The following GOLGA3 variants were observed in gnomAD, a reference collection of about 807,000 sequenced individuals.
GOLGA3 encodes the protein golgin A3, also known as golgin subfamily A member 3.
GOLGA3 carries 75 observed loss-of-function variants against 169.4 expected under a neutral mutation model. The ratio of observed to expected loss-of-function variants is 0.44; its 90% CI spans 0.37 to 0.54. The LOEUF is 0.54. GOLGA3 is among the 20% of genes least tolerant of loss of function. The pLI, the probability that GOLGA3 is intolerant of heterozygous loss-of-function variation, is 0.00. For missense variants in GOLGA3, 1,899 were observed against 1,930.0 expected, an observed-to-expected ratio of 0.98 and a Z score of 0.30; for synonymous variants, 824 against 822.4, an observed-to-expected ratio of 1.00 and a Z score of -0.03.
chr12:132,776,847 T>A, intron 20 of GOLGA3, 91 bp from the exon 21 acceptor site: 1 of 1,557,850 alleles, frequency 6.4e-7, no homozygotes. Flanking sequence ...GTTTATCTTT[T>A]AATACCATAT....
In GOLGA3 at chr12:132,808,463, A is replaced by G; in HGVS notation, c.606T>C (p.Ser202=). 6.2e-7 allele frequency: 1 copy of G among 1,613,768 alleles called. No individual in the cohort carries two copies. Residue 202 remains serine, a synonymous_variant, in exon 5 of 24, where the codon AGT becomes AGC. Coordinates refer to ENST00000450791, the MANE Select transcript of GOLGA3 (RefSeq NM_001389683.1). ...MLNPENLPRA[S]TLAMTKEYSF... ...AATATTCTTTTGTCATAGCCAGGGT[A>G]CTGGCCCTTGGTAAGTTTTCTGGGT... is the stretch of plus-strand genomic sequence containing the variant.
intron 6 of GOLGA3, 46 bp from the exon 7 acceptor site, chr12:132,805,068 C>T: frequency 1.3e-6 from 2 of 1,571,684 alleles, no homozygotes; most frequent in African/African-American, 2.7e-5. Flanking sequence ...AAACGAGTCA[C>T]TTCCATCCAG....
intron 23 of GOLGA3, 145 bp from the exon 24 acceptor site, chr12:132,773,439 AG>A: frequency 4.6e-6 from 2 of 433,186 alleles, no homozygotes; most frequent in South Asian, 5.5e-5. Flanking sequence ...ACAGAAGCTC[AG>A]CTGTTCTCAG....
At chr12:132,792,930 C>T (rs1342969113) in intron 11 of GOLGA3, among the ~76,000 whole-genome samples, 3 of 138,626 alleles carry the variant, frequency 2.2e-5, no homozygotes, top group Admixed American at 1.4e-4. Context: ...ACCCACCCCA[C>T]GGGACCTGCA....
At position 132,814,113 on chromosome 12, in the gene GOLGA3, C is replaced by T. The variant is rs545482097; in HGVS notation, c.407-694G>A. Among the ~76,000 whole-genome samples, 736 of 150,254 alleles carry T rather than the reference C, an allele frequency of 4.9e-3. 2 individuals are homozygous for T. The highest frequency in any genetic ancestry group is 0.01 in the Middle Eastern group (3 of 286). On this transcript the variant is annotated intron_variant, in intron 3 of 23. Transcript: ENST00000450791. ...GATCTCGGCTCACCACAACCTCTGC[C>T]TCCTGGGTTCAAGCGATTCTCCTGC...
rs980368432 is a variant in GOLGA3 at position 132,822,236 on chromosome 12, C to G, written c.-108G>C. ...CCAAGAGCTCCTGGGAGGGGCCCTA[C>G]TGTGTCTCCCATTTTCAGGAGAAGA... On this transcript the variant is annotated 5_prime_UTR_variant, in exon 2 of 24. Coordinates refer to ENST00000450791, the MANE Select transcript of GOLGA3 (RefSeq NM_001389683.1). The G allele has an allele frequency of 7.0e-7, 1 of 1,437,356 alleles. No homozygotes were observed. The allele number at this position is 1,437,356 out of a possible 1,614,324, so 89.0% of individuals were successfully genotyped here. A position where few individuals can be genotyped will look rare whatever the true frequency, so the allele number is the denominator to read the frequency against.
At chr12:132,823,452 G>A (rs897468527) in intron 1 of GOLGA3, among the ~76,000 whole-genome samples, 1 of 152,062 alleles carries the variant, frequency 6.6e-6, no homozygotes, top group African/African-American at 2.4e-5. Flanking sequence ...CACAACCTTC[G>A]CCTCTAGCTT....
intron 6 of GOLGA3, among the ~76,000 whole-genome samples, chr12:132,806,491 C>T (rs769728786): frequency 1.3e-5 from 2 of 152,204 alleles, no homozygotes; most frequent in African/African-American, 4.8e-5. Flanking sequence ...AAACCATCTT[C>T]GACATGAGGC....
chr12:132,801,593 G>A (rs901484824), intron 8 of GOLGA3, among the ~76,000 whole-genome samples, 174 bp downstream of exon 8: 25 of 152,270 alleles, frequency 1.6e-4, no homozygotes, highest in African/African-American at 4.8e-4. Flanking sequence ...GGGGGCCCAC[G>A]GGACACGTCC....
intron 2 of GOLGA3, among the ~76,000 whole-genome samples, chr12:132,817,378 C>T (rs866771971): frequency 3.6e-4 from 1 of 2,810 alleles, no homozygotes; most frequent in African/African-American, 5.2e-4. Flanking sequence ...TAAGGTGAAC[C>T]CGCCCTCCAC....
chr12:132,809,872 G>T (rs1156597761), intron 4 of GOLGA3, among the ~76,000 whole-genome samples: 3 of 152,162 alleles, frequency 2.0e-5, no homozygotes, highest in African/African-American at 7.2e-5. Context: ...TGCCTGAGTG[G>T]CTTGCCACCC....
chr12:132,770,875 T>C lies in GOLGA3; in HGVS notation c.*2230A>G, dbSNP rs1201765826. ...GTCTGGACCTCTTGACCTCAGGTGATCCACCCGCCTCGGCCTCCCAAAGTG... is the reference window on the plus strand; with the variant it reads ...GTCTGGACCTCTTGACCTCAGGTGACCCACCCGCCTCGGCCTCCCAAAGTG... On this transcript the variant is annotated 3_prime_UTR_variant, in exon 24 of 24. Coordinates refer to ENST00000450791, the MANE Select transcript of GOLGA3 (RefSeq NM_001389683.1). 1 of 152,238 alleles carries C rather than the reference T, an allele frequency of 6.6e-6. No individual in the cohort carries two copies. Among genetic ancestry groups the C allele is most frequent in the Non-Finnish European group, 1.5e-5 (1 of 68,048 alleles). The allele number at this position is 152,238 out of a possible 1,614,324, so 9.4% of individuals were successfully genotyped here.
rs1223092261 is a variant in GOLGA3 at position 132,808,487 on chromosome 12, G to T, written c.582C>A (p.Asn194Lys). 6.2e-7 allele frequency: 1 copy of T among 1,613,832 alleles called. No homozygotes were observed. Among genetic ancestry groups the T allele is most frequent in the Non-Finnish European group, 8.5e-7 (1 of 1,179,836 alleles). ...FSTLDPELML[N>K]PENLPRASTL... ...TACTGGCCCTTGGTAAGTTTTCTGG[G>T]TTTAACATGAGCTCAGGATCAAGCG... is the stretch of plus-strand genomic sequence containing the variant. The change falls in exon 5 of 24, where the codon AAC (asparagine) becomes AAA (lysine). Residue 194 changes from asparagine to lysine, a missense_variant. Transcript: ENST00000450791.
chr12:132,783,826 T>A (rs1435848572), intron 16 of GOLGA3: 3 of 1,160,346 alleles, frequency 2.6e-6, no homozygotes, highest in Admixed American at 6.5e-5. Flanking sequence ...TCCGCCCACC[T>A]CAGCCTCCCA....
intron 21 of GOLGA3, among the ~76,000 whole-genome samples, chr12:132,776,296 G>C (rs56182306): frequency 1.5e-5 from 2 of 132,734 alleles, no homozygotes; most frequent in Non-Finnish European, 3.2e-5. Context: ...TCCCGCCTGT[G>C]CCCAGCGCCT....
chr12:132,780,991 T>C (rs1038393260), intron 17 of GOLGA3, 77 bp from the exon 18 acceptor site: 1 of 1,036,924 alleles, frequency 9.6e-7, no homozygotes, highest in Non-Finnish European at 1.5e-6. Flanking sequence ...GCAGGCAACG[T>C]GACACACGCC....
chr12:132,778,043 G>A (rs1008606230), intron 18 of GOLGA3, among the ~76,000 whole-genome samples: 6 of 152,320 alleles, frequency 3.9e-5, no homozygotes, highest in Admixed American at 6.5e-5. Context: ...ACATTTATTC[G>A]AGATTTCTCG....
At position 132,795,958 on chromosome 12, in the gene GOLGA3, C is replaced by A; in HGVS notation, c.2363G>T (p.Gly788Val). Residue 788 changes from glycine to valine, a missense_variant, in exon 11 of 24, where the codon GGC becomes GTC. Physicochemically the swap from Gly to Val is moderately radical, Grantham distance 109. Transcript: ENST00000450791. The stretch of plus-strand genomic sequence containing the variant: ...TGCTCCTCTGTCAAGCTCCTCCTTG[C>A]CACTCTTGGCCGCCTGCAAAGCCGC... Reference protein sequence around the residue: ...LEAALQAAKSGKEELDRGARR... With the variant: ...LEAALQAAKSVKEELDRGARR... 6.2e-7 allele frequency: 1 copy of A among 1,614,008 alleles called. No homozygotes were observed. Among genetic ancestry groups the A allele is most frequent in the Non-Finnish European group, 8.5e-7 (1 of 1,180,036 alleles).
chr12:132,776,386 C>CAT (rs869134807), intron 21 of GOLGA3, among the ~76,000 whole-genome samples: 52 of 110,200 alleles, frequency 4.7e-4, no homozygotes, highest in African/African-American at 1.9e-3. Context: ...CCCAGAGCCT[C>CAT]ACACAGGTAC....
Sources: gnomAD v4.1 joint callset for allele counts (sites outside exome capture counted in the v4.1 genomes callset) on GRCh38, gnomAD v4.1.1 for gene constraint, MANE v1.5 for transcripts, NCBI Gene and HGNC (gene_info 2026-07-23, HGNC 2026-07-21) for gene names.